Variants in ALX4 observed in about 807,000 individuals in gnomAD.
ALX4 encodes homeobox protein aristaless-like 4.
Under a neutral mutation model 40.6 loss-of-function variants are expected in ALX4, and 22 were observed. The observed-to-expected ratio is 0.54, with a 90% CI of 0.39 to 0.77. The LOEUF (loss-of-function observed/expected upper bound fraction) is 0.77. Ranked by LOEUF, ALX4 falls within the 30% of genes least tolerant of loss-of-function variation. The pLI, the probability that ALX4 is intolerant of heterozygous loss-of-function variation, is 0.00. For missense variants in ALX4, 556 were observed against 564.8 expected, an observed-to-expected ratio of 0.98 and a Z score of 0.16; for synonymous variants, 266 against 240.5, an observed-to-expected ratio of 1.11 and a Z score of -0.98.
At chr11:44,286,601 G>A (rs1956340037) in intron 1 of ALX4, among the ~76,000 whole-genome samples, 1 of 152,184 alleles carries the variant, frequency 6.6e-6, no homozygotes, top group African/African-American at 2.4e-5. Context: ...TCCTAGCTGG[G>A]AGGATTTGCC....
At chr11:44,278,036 C>A (rs1320249030) in intron 1 of ALX4, among the ~76,000 whole-genome samples, 2 of 150,694 alleles carry the variant, frequency 1.3e-5, no homozygotes, top group Non-Finnish European at 3.0e-5. Context: ...TTTTAGAAAC[C>A]CCACCCAGCC....
chr11:44,271,133 A>T (rs1590688886), intron 2 of ALX4, among the ~76,000 whole-genome samples: 1 of 118,374 alleles, frequency 8.4e-6, no homozygotes, highest in Non-Finnish European at 1.7e-5. Flanking sequence ...AGAGGCAGGC[A>T]GGGGGTTCCA....
In ALX4 at chr11:44,310,077, G is replaced by C. The variant is rs1009644339; in HGVS notation, c.-15C>G. ...TCAGCATTCATGCCTGGCTTGCGCA[G>C]GCGGCGGGCGGGGACGCGAGCGAGG... is the stretch of plus-strand genomic sequence containing the variant. On this transcript the variant is annotated 5_prime_UTR_variant, in exon 1 of 4. Transcript: ENST00000652299. The C allele has an allele frequency of 3.2e-6, 5 of 1,569,612 alleles. No individual in the cohort carries two copies. Among genetic ancestry groups the C allele is most frequent in the Non-Finnish European group, 4.3e-6 (5 of 1,155,760 alleles).
intron 1 of ALX4, among the ~76,000 whole-genome samples, chr11:44,293,734 C>T (rs557148100): frequency 3.5e-4 from 54 of 152,370 alleles, no homozygotes; most frequent in Middle Eastern, 3.4e-3. Flanking sequence ...TCCAAACTGG[C>T]CTCTTGCCCC....
At chr11:44,284,021 T>C (rs1455146490) in intron 1 of ALX4, among the ~76,000 whole-genome samples, 3 of 152,180 alleles carry the variant, frequency 2.0e-5, no homozygotes, top group Non-Finnish European at 4.4e-5. Flanking sequence ...CAGTAAACAT[T>C]TGATGAACAA....
chr11:44,303,215 G>A (rs1008240462), intron 1 of ALX4, among the ~76,000 whole-genome samples: 2 of 152,132 alleles, frequency 1.3e-5, no homozygotes, highest in Admixed American at 6.5e-5. Context: ...GGTGCGTGGG[G>A]CCAACATCCA....
chr11:44,283,738 A>G (rs1418507072), intron 1 of ALX4, among the ~76,000 whole-genome samples: 1 of 152,096 alleles, frequency 6.6e-6, no homozygotes, highest in Non-Finnish European at 1.5e-5. Context: ...TCATTTTTGT[A>G]TTTTTAGTAG....
intron 1 of ALX4, among the ~76,000 whole-genome samples, chr11:44,288,264 C>CAG (rs1050585629): frequency 3.9e-5 from 6 of 151,972 alleles, no homozygotes; most frequent in African/African-American, 1.5e-4. Context: ...AGCATATGCA[C>CAG]AGAGAGAGAC....
chr11:44,292,377 A>AT (rs67510206), intron 1 of ALX4, among the ~76,000 whole-genome samples: 64 of 93,114 alleles, frequency 6.9e-4, no homozygotes, highest in East Asian at 2.2e-3. Flanking sequence ...GGCTAATTAA[A>AT]TTTTTTTTTT....
chr11:44,275,384 C>T lies in ALX4; in HGVS notation c.741G>A (p.Leu247=), dbSNP rs768770098. The change falls in exon 2 of 4, where the codon CTG becomes CTA. Residue 247 remains leucine (L), a synonymous_variant. Coordinates refer to ENST00000652299, the MANE Select transcript of ALX4 (RefSeq NM_021926.4). The stretch of plus-strand genomic sequence containing the variant: ...CCTCAGTGAGGTCTGTCCTCATGGC[C>T]AGCTGTTCCCGCGCATACACGTCTG... ...HYPDVYAREQ[L]AMRTDLTEAR... The T allele has an allele frequency of 3.1e-6, 5 of 1,614,088 alleles. No individual in the cohort carries two copies. In the Admixed American group the frequency reaches 6.7e-5, roughly 22 times the overall value.
At position 44,303,479 on chromosome 11, in the gene ALX4, C is replaced by G. The variant is rs181089860; in HGVS notation, c.466+6118G>C. Among the ~76,000 whole-genome samples the G allele has an allele frequency of 3.0e-3, 463 of 152,292 alleles. 5 individuals are homozygous for G. The Middle Eastern group carries it at 0.037, about 12-fold the overall frequency. On this transcript the variant is annotated intron_variant, in intron 1 of 3. Coordinates refer to ENST00000652299, the MANE Select transcript of ALX4 (RefSeq NM_021926.4). ...CACCAAAACGGCACCCTGGGAGCCG[C>G]GGAGCGCCACGGTGACCCTTCCAAC... is the stretch of plus-strand genomic sequence containing the variant.
At position 44,310,098 on chromosome 11, in the gene ALX4, C is replaced by G. The variant is rs533107251; in HGVS notation, c.-36G>C. The G allele has an allele frequency of 1.1e-4, 176 of 1,541,740 alleles. No homozygotes were observed. In the East Asian group the frequency reaches 3.9e-3, roughly 34 times the overall value. On this transcript the variant is annotated 5_prime_UTR_variant, in exon 1 of 4. Coordinates refer to ENST00000652299, the MANE Select transcript of ALX4 (RefSeq NM_021926.4). Reference sequence around the variant, plus strand: ...CGCAGGCGGCGGGCGGGGACGCGAGCGAGGGCGCGAGGACGCCACCGCGCG... The same window carrying G: ...CGCAGGCGGCGGGCGGGGACGCGAGGGAGGGCGCGAGGACGCCACCGCGCG...
intron 1 of ALX4, among the ~76,000 whole-genome samples, chr11:44,288,989 CCT>C (rs1480128219): frequency 6.6e-6 from 1 of 152,166 alleles, no homozygotes; most frequent in African/African-American, 2.4e-5. Context: ...TCTCCCCCAC[CCT>C]GTGTCTTGCC....
At chr11:44,299,953 C>T (rs1956425850) in intron 1 of ALX4, among the ~76,000 whole-genome samples, 1 of 152,190 alleles carries the variant, frequency 6.6e-6, no homozygotes, top group Non-Finnish European at 1.5e-5. Context: ...TGGTGTACTG[C>T]CTGGCGCACA....
chr11:44,273,612 G>A (rs371359651), intron 2 of ALX4, among the ~76,000 whole-genome samples: 4 of 152,100 alleles, frequency 2.6e-5, no homozygotes, highest in South Asian at 4.2e-4. Flanking sequence ...AGTAGGAGGG[G>A]ACAAACAAGT....
intron 1 of ALX4, among the ~76,000 whole-genome samples, chr11:44,281,983 A>G (rs1035946118): frequency 1.3e-5 from 2 of 152,216 alleles, no homozygotes; most frequent in African/African-American, 4.8e-5. Flanking sequence ...ACCCACAGCC[A>G]CCAACCCAAG....
chr11:44,285,050 C>T (rs967492113), intron 1 of ALX4, among the ~76,000 whole-genome samples: 5 of 152,034 alleles, frequency 3.3e-5, no homozygotes, highest in East Asian at 1.9e-4. Flanking sequence ...GTGCAACCTC[C>T]GCCTCCCCGG....
chr11:44,288,669 C>T (rs187888312), intron 1 of ALX4, among the ~76,000 whole-genome samples: 119 of 152,316 alleles, frequency 7.8e-4, no homozygotes, highest in African/African-American at 2.6e-3. Flanking sequence ...CCCTCACTCC[C>T]GTGGAAGCCA....
Position 44,275,424 on chromosome 11 carries a change from T to G in ALX4, c.701A>C (p.Gln234Pro), listed in dbSNP as rs754454206. The G allele has an allele frequency of 6.2e-7, 1 of 1,614,208 alleles. No individual in the cohort carries two copies. ...YQLEELEKVF[Q>P]KTHYPDVYAR... ...ATACACGTCTGGGTAGTGGGTCTTC[T>G]GGAAGACCTTCTCCAGCTCCTCCAG... is the stretch of plus-strand genomic sequence containing the variant. Residue 234 changes from glutamine to proline, a missense_variant, in exon 2 of 4, where the codon CAG becomes CCG. Transcript: ENST00000652299.
Sources: gnomAD v4.1 joint callset for allele counts (sites outside exome capture counted in the v4.1 genomes callset) on GRCh38, gnomAD v4.1.1 for gene constraint, MANE v1.5 for transcripts, NCBI Gene and HGNC (gene_info 2026-07-23, HGNC 2026-07-21) for gene names.